The following CUBN variants were observed in gnomAD, a reference collection of about 807,000 sequenced individuals.
The protein encoded by CUBN is cubilin.
A neutral mutation model predicts 405.3 loss-of-function variants in CUBN; 282 were observed. The ratio of observed to expected loss-of-function variants is 0.70; its 90% CI spans 0.63 to 0.77. The LOEUF (loss-of-function observed/expected upper bound fraction) is 0.77, where lower values mean the gene tolerates loss of function less well. CUBN is among the 30% of genes least tolerant of loss of function. CUBN has a pLI of 0.00. For missense variants in CUBN, 4,514 were observed against 4,475.2 expected (o/e 1.01, Z -0.25); for synonymous variants, 1,684 against 1,617.0 (o/e 1.04, Z -0.99).
At chr10:16,915,269 A>G in intron 46 of CUBN, 97 bp from the exon 47 acceptor site, 1 of 1,428,408 alleles carries the variant, frequency 7.0e-7, no homozygotes, top group Non-Finnish European at 9.8e-7. Context: ...AATAATAAAA[A>G]ACAAGACCCT....
At chr10:16,959,252 GC>G (rs1395219584) in intron 31 of CUBN, among the ~76,000 whole-genome samples, 1 of 152,118 alleles carries the variant, frequency 6.6e-6, no homozygotes. Flanking sequence ...GAAACCTCAG[GC>G]TATCAAGGAG....
At chr10:16,994,075 A>G (rs576094204) in intron 28 of CUBN, among the ~76,000 whole-genome samples, 10 of 152,348 alleles carry the variant, frequency 6.6e-5, no homozygotes, top group Admixed American at 4.6e-4. Flanking sequence ...TGGCATATGC[A>G]TACATATGTA....
Position 17,045,360 on chromosome 10 carries a change from ATT to A in CUBN, c.3491-174_3491-173del, listed in dbSNP as rs34487389. Among the ~76,000 whole-genome samples the A allele has an allele frequency of 0.013, 1,753 of 134,242 alleles. 9 individuals are homozygous for A. The highest frequency in any genetic ancestry group is 0.017 in the Non-Finnish European group (1,082 of 62,008). 88.1% of individuals were successfully genotyped at this position (134,242 alleles called of 152,430 possible). On this transcript the variant is annotated intron_variant, in intron 24 of 66. Coordinates refer to ENST00000377833, the MANE Select transcript of CUBN (RefSeq NM_001081.4). ...AAAAATCCAATTTTTATTTTTTTCT[ATT>A]TTTTTTTTTTTTTTTGAGATGGAGT...
chr10:17,091,467 G>C (rs1169592708), intron 14 of CUBN, among the ~76,000 whole-genome samples: 3 of 152,062 alleles, frequency 2.0e-5, no homozygotes, highest in African/African-American at 7.2e-5. Flanking sequence ...CTCTGTATGA[G>C]AGCAACCAAA....
intron 22 of CUBN, among the ~76,000 whole-genome samples, chr10:17,060,436 T>G (rs1322809785): frequency 6.6e-6 from 1 of 152,178 alleles, no homozygotes; most frequent in African/African-American, 2.4e-5. Flanking sequence ...CCCTGGTTTT[T>G]CTACACAGGA....
chr10:17,112,288 G>GA (rs1224929051), intron 8 of CUBN, among the ~76,000 whole-genome samples: 1 of 151,820 alleles, frequency 6.6e-6, no homozygotes, highest in Admixed American at 6.6e-5. Context: ...AAAGTTGGAA[G>GA]AAAAAAACGC....
At chr10:16,907,806 C>A in intron 48 of CUBN, 127 bp from the exon 49 acceptor site, 3 of 940,876 alleles carry the variant, frequency 3.2e-6, no homozygotes, top group Non-Finnish European at 5.0e-6. Flanking sequence ...AATGACCTAA[C>A]AATGCAGGTT....
chr10:16,950,823 T>C (rs1039104221), intron 33 of CUBN, among the ~76,000 whole-genome samples: 2 of 152,218 alleles, frequency 1.3e-5, no homozygotes, highest in African/African-American at 2.4e-5. Flanking sequence ...TCACCATTGC[T>C]GTGTTCCTCG....
At chr10:17,016,103 A>G (rs1335264796) in intron 28 of CUBN, among the ~76,000 whole-genome samples, 1 of 152,044 alleles carries the variant, frequency 6.6e-6, no homozygotes, top group Non-Finnish European at 1.5e-5. Flanking sequence ...ATCTTTTAGG[A>G]TCAATTGACC....
intron 59 of CUBN, among the ~76,000 whole-genome samples, chr10:16,860,351 T>C (rs1030924682): frequency 2.0e-5 from 3 of 152,156 alleles, no homozygotes; most frequent in African/African-American, 7.2e-5. Context: ...ATGGAAGTTA[T>C]ACTAAATCAG....
At chr10:17,126,387 C>T (rs189713547) in intron 4 of CUBN, among the ~76,000 whole-genome samples, 1 of 152,164 alleles carries the variant, frequency 6.6e-6, no homozygotes, top group Non-Finnish European at 1.5e-5. Flanking sequence ...CCGAGCTTAG[C>T]GTCAGAGAGG....
intron 17 of CUBN, 71 bp downstream of exon 17, chr10:17,084,200 A>G: frequency 1.3e-6 from 2 of 1,486,220 alleles, no homozygotes; most frequent in Non-Finnish European, 9.4e-7. Context: ...AATCTTTTGA[A>G]GACCACCACT....
At chr10:17,065,724 T>C (rs1289032587) in intron 21 of CUBN, 86 bp from the exon 22 acceptor site, 59 of 1,498,866 alleles carry the variant, frequency 3.9e-5, no homozygotes, top group Non-Finnish European at 5.5e-5. Flanking sequence ...CATGTAAATA[T>C]AATAATAGGT....
intron 36 of CUBN, 63 bp from the exon 37 acceptor site, chr10:16,940,300 C>A (rs1261660964): frequency 1.3e-5 from 19 of 1,412,402 alleles, no homozygotes; most frequent in Non-Finnish European, 4.0e-6. Flanking sequence ...GGGATTCTCC[C>A]GGATCACATG....
intron 29 of CUBN, among the ~76,000 whole-genome samples, chr10:16,984,527 G>A (rs1833365700): frequency 1.3e-5 from 2 of 152,108 alleles, no homozygotes; most frequent in African/African-American, 4.8e-5. Context: ...GAATTGCAGA[G>A]GAGGACGGAG....
In CUBN at chr10:16,899,028, C is replaced by A. The variant is rs371139445; in HGVS notation, c.8566G>T (p.Gly2856Cys). ...AAGCTATTCTGACATTGTCCATCAC[C>A]GCTGGGGATTAGGAAGTTGTTGTCA... The part of the protein sequence containing the change: ...SFDNNFLIPS[G>C]DGQCQNSFVK... The change falls in exon 54 of 67, where the codon GGT becomes TGT. Residue 2856 changes from glycine to cysteine, a missense_variant. Gly to Cys is a radical substitution (Grantham distance 159). Around this residue, in one of 5 missense-constraint regions of CUBN, gnomAD observed 1,186 missense variants for 1,186.9 expected, o/e 1.00. Transcript: ENST00000377833. 3.1e-6 allele frequency: 5 copies of A among 1,613,438 alleles called. No individual in the cohort carries two copies. The highest frequency in any genetic ancestry group is 3.4e-6 in the Non-Finnish European group (4 of 1,179,358).
chr10:16,943,263 C>T (rs1842705690), intron 36 of CUBN, among the ~76,000 whole-genome samples: 1 of 152,176 alleles, frequency 6.6e-6, no homozygotes, highest in African/African-American at 2.4e-5. Context: ...CTCAGAATCC[C>T]ACCAAGGTGG....
At chr10:17,048,377 T>C (rs564354705) in intron 22 of CUBN, among the ~76,000 whole-genome samples, 14 of 152,242 alleles carry the variant, frequency 9.2e-5, no homozygotes, top group Non-Finnish European at 1.8e-4. Context: ...AGTTTTAACG[T>C]TACCTATTCA....
intron 1 of CUBN, 23 bp from the exon 2 acceptor site, chr10:17,129,273 T>G (rs1837267464): frequency 6.2e-7 from 1 of 1,611,796 alleles, no homozygotes. Context: ...AACGAGAGAA[T>G]GCATCAGTAA....
Sources: gnomAD v4.1 joint callset for allele counts (sites outside exome capture counted in the v4.1 genomes callset) on GRCh38, gnomAD v4.1.1 for gene constraint, gnomAD v4.1.1 regional missense constraint, MANE v1.5 for transcripts, NCBI Gene and HGNC (gene_info 2026-07-23, HGNC 2026-07-21) for gene names.